Variants in CNTN3 observed in about 807,000 individuals in gnomAD.
CNTN3 encodes contactin 3.
Under a neutral mutation model 119.1 loss-of-function variants are expected in CNTN3, and 60 were observed. The observed-to-expected ratio is 0.50, with a 90% CI of 0.41 to 0.62. The LOEUF (loss-of-function observed/expected upper bound fraction) is 0.62, where lower values mean the gene tolerates loss of function less well. Ranked by LOEUF, CNTN3 falls within the 20% of genes least tolerant of loss-of-function variation. CNTN3 has a pLI of 0.00. For missense variants in CNTN3, 1,101 were observed against 1,242.4 expected, an observed-to-expected ratio of 0.89 and a Z score of 1.71; for synonymous variants, 450 against 438.7, an observed-to-expected ratio of 1.03 and a Z score of -0.32.
intron 19 of CNTN3, among the ~76,000 whole-genome samples, chr3:74,291,767 C>T (rs1199432223): frequency 1.3e-5 from 2 of 152,146 alleles, no homozygotes; most frequent in Non-Finnish European, 2.9e-5. Context: ...ACAGTCATTC[C>T]TGTGGCTCCC....
intron 5 of CNTN3, among the ~76,000 whole-genome samples, chr3:74,417,867 A>C (rs1368929527): frequency 2.6e-5 from 4 of 152,336 alleles, no homozygotes; most frequent in Admixed American, 2.6e-4. Context: ...TGACATATTC[A>C]AAAAATAGTT....
intron 1 of CNTN3, among the ~76,000 whole-genome samples, chr3:74,562,366 C>T (rs115316388): frequency 0.019 from 2,893 of 152,208 alleles, 113 homozygotes; most frequent in African/African-American, 0.067. Context: ...GTGTTTTCTT[C>T]CCTTTTTAAA....
chr3:74,578,842 G>A (rs922648641), intron 1 of CNTN3, among the ~76,000 whole-genome samples: 7 of 151,828 alleles, frequency 4.6e-5, no homozygotes, highest in African/African-American at 1.5e-4. Context: ...ATACTGCAAG[G>A]CAGGATAAAA....
At chr3:74,580,348 T>C (rs909381278) in intron 1 of CNTN3, among the ~76,000 whole-genome samples, 5 of 152,112 alleles carry the variant, frequency 3.3e-5, no homozygotes, top group African/African-American at 7.2e-5. Flanking sequence ...GTTCAAAACA[T>C]AGAGGAAGAA....
At chr3:74,266,087 C>T (rs1422387165) in intron 22 of CNTN3, among the ~76,000 whole-genome samples, 23 of 151,918 alleles carry the variant, frequency 1.5e-4, no homozygotes, top group Admixed American at 1.5e-3. Flanking sequence ...GTTAATCATT[C>T]TATTTAAAGA....
chr3:74,609,748 T>C (rs1393412715), intron 1 of CNTN3, among the ~76,000 whole-genome samples: 6 of 152,180 alleles, frequency 3.9e-5, no homozygotes, highest in Non-Finnish European at 7.3e-5. Flanking sequence ...AGCTTAGTTG[T>C]CATAGGTTTA....
At chr3:74,371,916 TACAA>T (rs1263549960) in intron 5 of CNTN3, among the ~76,000 whole-genome samples, 1 of 152,106 alleles carries the variant, frequency 6.6e-6, no homozygotes, top group East Asian at 1.9e-4. Flanking sequence ...TTCTGGGGCC[TACAA>T]CTCCTGTTGT....
At chr3:74,598,315 C>T (rs528326246) in intron 1 of CNTN3, among the ~76,000 whole-genome samples, 2 of 152,108 alleles carry the variant, frequency 1.3e-5, no homozygotes, top group South Asian at 4.1e-4. Flanking sequence ...TCGGTTGCCC[C>T]ACCGGAGGCA....
At chr3:74,285,654 A>G (rs978834610) in intron 19 of CNTN3, among the ~76,000 whole-genome samples, 163 bp from the exon 20 acceptor site, 1 of 151,704 alleles carries the variant, frequency 6.6e-6, no homozygotes, top group African/African-American at 2.4e-5. Flanking sequence ...TGTGTGTCAC[A>G]GCAGTGAAGA....
chr3:74,371,926 G>T (rs925947567), intron 5 of CNTN3, among the ~76,000 whole-genome samples: 7 of 152,006 alleles, frequency 4.6e-5, no homozygotes, highest in Admixed American at 3.3e-4. Context: ...TACAACTCCT[G>T]TTGTCTCTGT....
chr3:74,586,809 T>C (rs1447409637), intron 1 of CNTN3, among the ~76,000 whole-genome samples: 1 of 152,100 alleles, frequency 6.6e-6, no homozygotes, highest in Non-Finnish European at 1.5e-5. Flanking sequence ...AGCAGGACCC[T>C]ATCTTGAACA....
At chr3:74,560,323 ATGT>A (rs968553653) in intron 1 of CNTN3, among the ~76,000 whole-genome samples, 2 of 152,130 alleles carry the variant, frequency 1.3e-5, no homozygotes, top group Non-Finnish European at 2.9e-5. Context: ...CTTATTATGG[ATGT>A]TGTTGTTATT....
chr3:74,562,087 G>A (rs531209516), intron 1 of CNTN3, among the ~76,000 whole-genome samples: 8 of 152,136 alleles, frequency 5.3e-5, no homozygotes, highest in East Asian at 1.9e-4. Context: ...CCTTGGGACC[G>A]AGACTCCATG....
intron 4 of CNTN3, among the ~76,000 whole-genome samples, chr3:74,451,674 C>A (rs569067903): frequency 8.5e-4 from 129 of 151,860 alleles, no homozygotes; most frequent in African/African-American, 3.1e-3. Context: ...TTTAATCCAT[C>A]TTGAATTGAT....
intron 4 of CNTN3, among the ~76,000 whole-genome samples, chr3:74,477,048 G>A (rs551275464): frequency 6.6e-6 from 1 of 152,268 alleles, no homozygotes; most frequent in South Asian, 2.1e-4. Context: ...GAATTTTCCA[G>A]AGTTTCCATA....
intron 9 of CNTN3, 108 bp from the exon 10 acceptor site, chr3:74,364,704 A>C: frequency 1.1e-6 from 1 of 904,540 alleles, no homozygotes; most frequent in Non-Finnish European, 1.7e-6. Context: ...TTTTTCTGAG[A>C]GTATTAGACA....
At chr3:74,571,932 T>C (rs1704341711) in intron 1 of CNTN3, among the ~76,000 whole-genome samples, 1 of 152,190 alleles carries the variant, frequency 6.6e-6, no homozygotes, top group Non-Finnish European at 1.5e-5. Context: ...CAGGGTATCA[T>C]ATGAAATATC....
chr3:74,447,149 C>T (rs1390372490), intron 4 of CNTN3, among the ~76,000 whole-genome samples: 1 of 152,100 alleles, frequency 6.6e-6, no homozygotes, highest in Non-Finnish European at 1.5e-5. Context: ...AGGCTGGTGA[C>T]AGTGGGGAAC....
intron 20 of CNTN3, among the ~76,000 whole-genome samples, chr3:74,271,491 G>A (rs1038045984): frequency 6.6e-6 from 1 of 152,084 alleles, no homozygotes; most frequent in Non-Finnish European, 1.5e-5. Flanking sequence ...GAATATTATT[G>A]CCTGGAGCTT....
Sources: allele counts gnomAD v4.1 joint callset (sites outside exome capture counted in the v4.1 genomes callset), GRCh38; gene constraint gnomAD v4.1.1; transcripts MANE v1.5; gene names NCBI Gene and HGNC (gene_info 2026-07-23, HGNC 2026-07-21).